The following INPP4B variants were observed in gnomAD, a reference collection of about 807,000 sequenced individuals.
The protein encoded by INPP4B is inositol polyphosphate-4-phosphatase type II B.
In INPP4B, 55 loss-of-function variants were observed where a neutral mutation model predicts 122.5. The ratio of observed to expected loss-of-function variants is 0.45; its 90% CI spans 0.36 to 0.56. The LOEUF is 0.56. Ranked by LOEUF, INPP4B falls within the 20% of genes least tolerant of loss-of-function variation. INPP4B has a pLI of 0.00. For synonymous variants in INPP4B, 403 were observed against 388.7 expected (o/e 1.04, Z -0.43); for missense variants, 1,000 against 1,097.7 (o/e 0.91, Z 1.26).
At position 142,301,705 on chromosome 4, in the gene INPP4B, C is replaced by T. The variant is rs950773734; in HGVS notation, c.503+3753G>A. On this transcript the variant is annotated intron_variant, in intron 9 of 25. Transcript: ENST00000262992. ...CCTGTACTTAAGAATATAAAAAATT[C>T]TTAGTAAATGTTTGCTGAATGAATG... is the stretch of plus-strand genomic sequence containing the variant. Among the ~76,000 whole-genome samples, 3 of 152,036 alleles carry T rather than the reference C, an allele frequency of 2.0e-5. 1 individual carries two copies. Among genetic ancestry groups the T allele is most frequent in the Admixed American group, 6.6e-5 (1 of 15,266 alleles).
At chr4:142,392,467 A>T (rs1417626912) in intron 7 of INPP4B, among the ~76,000 whole-genome samples, 1 of 152,106 alleles carries the variant, frequency 6.6e-6, no homozygotes, top group Non-Finnish European at 1.5e-5. Context: ...ATGAAAGCCC[A>T]ATATAGGTGA....
intron 11 of INPP4B, among the ~76,000 whole-genome samples, chr4:142,239,327 G>A (rs1246275139): frequency 6.6e-6 from 1 of 152,084 alleles, no homozygotes; most frequent in African/African-American, 2.4e-5. Context: ...GAATTAGAGT[G>A]CTTACTTTTC....
At chr4:142,628,052 C>T (rs1171146940) in intron 2 of INPP4B, among the ~76,000 whole-genome samples, 1 of 151,998 alleles carries the variant, frequency 6.6e-6, no homozygotes, top group Non-Finnish European at 1.5e-5. Context: ...CCAGCCATCC[C>T]ATTACTGGGT....
chr4:142,836,288 C>A (rs554166904), intron 1 of INPP4B, among the ~76,000 whole-genome samples: 1 of 151,812 alleles, frequency 6.6e-6, no homozygotes, highest in East Asian at 1.9e-4. Context: ...CACACACACA[C>A]ATCAGAGAAA....
intron 2 of INPP4B, among the ~76,000 whole-genome samples, chr4:142,549,535 C>T (rs990126996): frequency 6.6e-6 from 1 of 152,092 alleles, no homozygotes; most frequent in African/African-American, 2.4e-5. Flanking sequence ...AGGAGCAAGC[C>T]ATGGGAAGTG....
intron 1 of INPP4B, among the ~76,000 whole-genome samples, chr4:142,729,810 T>A (rs1306125969): frequency 6.6e-6 from 1 of 152,184 alleles, no homozygotes; most frequent in East Asian, 1.9e-4. Flanking sequence ...GACAACCTCA[T>A]GACAGCTCTT....
intron 2 of INPP4B, among the ~76,000 whole-genome samples, chr4:142,495,256 A>T (rs776774857): frequency 6.7e-6 from 1 of 149,440 alleles, no homozygotes; most frequent in Non-Finnish European, 1.5e-5. Context: ...AAATAGGACA[A>T]TATTTCTGAT....
intron 18 of INPP4B, among the ~76,000 whole-genome samples, chr4:142,136,351 C>T (rs981844856): frequency 6.6e-6 from 1 of 152,224 alleles, no homozygotes. Flanking sequence ...TATTGGACTT[C>T]ACTGACAAAA....
At chr4:142,696,466 C>T (rs1385136142) in intron 2 of INPP4B, among the ~76,000 whole-genome samples, 2 of 152,188 alleles carry the variant, frequency 1.3e-5, no homozygotes, top group African/African-American at 4.8e-5. Flanking sequence ...CACTAACTGA[C>T]CCAGGCTGTA....
At chr4:142,093,277 G>A (rs1425657717) in intron 23 of INPP4B, among the ~76,000 whole-genome samples, 1 of 152,078 alleles carries the variant, frequency 6.6e-6, no homozygotes, top group Non-Finnish European at 1.5e-5. Context: ...TCAGCCCCCA[G>A]GTATTCTTCC....
chr4:142,487,519 A>G (rs935637666), intron 2 of INPP4B, among the ~76,000 whole-genome samples: 9 of 152,122 alleles, frequency 5.9e-5, no homozygotes, highest in Admixed American at 1.3e-4. Flanking sequence ...TTTGATTGAA[A>G]TTACATTAAA....
intron 24 of INPP4B, among the ~76,000 whole-genome samples, chr4:142,084,424 A>G (rs1046545612): frequency 9.2e-5 from 14 of 152,142 alleles, no homozygotes; most frequent in African/African-American, 3.1e-4. Context: ...TGGCCACTTT[A>G]TATTTTTCAA....
intron 17 of INPP4B, among the ~76,000 whole-genome samples, chr4:142,146,909 C>T (rs976911583): frequency 6.6e-6 from 1 of 152,160 alleles, no homozygotes; most frequent in Non-Finnish European, 1.5e-5. Flanking sequence ...CATTAGTAGC[C>T]ATTTTTGCTT....
intron 18 of INPP4B, among the ~76,000 whole-genome samples, chr4:142,133,471 G>A (rs1353876504): frequency 6.6e-6 from 1 of 152,100 alleles, no homozygotes; most frequent in Non-Finnish European, 1.5e-5. Flanking sequence ...CTGTATTCAT[G>A]TTCTAACTGC....
intron 9 of INPP4B, among the ~76,000 whole-genome samples, chr4:142,301,722 G>A (rs968614112): frequency 5.9e-5 from 9 of 152,038 alleles, no homozygotes; most frequent in South Asian, 2.1e-4. Flanking sequence ...AATGTTTGCT[G>A]AATGAATGAG....
chr4:142,393,203 C>G (rs1243973828), intron 7 of INPP4B, among the ~76,000 whole-genome samples: 1 of 151,886 alleles, frequency 6.6e-6, no homozygotes, highest in Non-Finnish European at 1.5e-5. Flanking sequence ...GTTTTGCACA[C>G]TCTCACCTAA....
chr4:142,078,158 C>G (rs2152513009), intron 25 of INPP4B, among the ~76,000 whole-genome samples: 1 of 144,276 alleles, frequency 6.9e-6, no homozygotes, highest in East Asian at 2.1e-4. Context: ...CAGGAGTGTG[C>G]AGCTGAAAGT....
intron 18 of INPP4B, among the ~76,000 whole-genome samples, chr4:142,134,130 T>C (rs143922194): frequency 2.3e-3 from 354 of 152,348 alleles, no homozygotes; most frequent in African/African-American, 7.6e-3. Context: ...TAGCACATAG[T>C]AGATAATTAA....
At chr4:142,382,419 G>A (rs927462941) in intron 7 of INPP4B, among the ~76,000 whole-genome samples, 1 of 151,576 alleles carries the variant, frequency 6.6e-6, no homozygotes, top group African/African-American at 2.4e-5. Context: ...TGAGGCAGGA[G>A]AATCACTTGA....
Sources: gnomAD v4.1 joint callset for allele counts (sites outside exome capture counted in the v4.1 genomes callset) on GRCh38, gnomAD v4.1.1 for gene constraint, MANE v1.5 for transcripts, NCBI Gene and HGNC (gene_info 2026-07-23, HGNC 2026-07-21) for gene names.